The following PCDHGA2 variants were observed in gnomAD, a reference collection of about 807,000 sequenced individuals.
The protein encoded by PCDHGA2 is protocadherin gamma subfamily A, 2.
PCDHGA2 carries 40 observed loss-of-function variants against 59.2 expected under a neutral mutation model. That is an observed-to-expected ratio of 0.68 (90% CI 0.52 to 0.88). The LOEUF (loss-of-function observed/expected upper bound fraction) is 0.88. PCDHGA2 is among the 40% of genes least tolerant of loss of function. The pLI is 0.00. For synonymous variants in PCDHGA2, 560 were observed against 526.0 expected (o/e 1.06, Z -0.89); for missense variants, 1,226 against 1,204.0 (o/e 1.02, Z -0.27).
At chr5:141,387,791 A>T in intron 1 of PCDHGA2, 1 of 1,492,120 alleles carries the variant, frequency 6.7e-7, no homozygotes, top group Non-Finnish European at 8.9e-7. Context: ...AACTGCAACT[A>T]AAGTCCGTTC....
intron 3 of PCDHGA2, among the ~76,000 whole-genome samples, chr5:141,510,244 G>A (rs549784078): frequency 6.6e-6 from 1 of 151,116 alleles, no homozygotes; most frequent in African/African-American, 2.4e-5. Flanking sequence ...CTGCACTCCA[G>A]GCTGGGCGAC....
chr5:141,364,612 G>C (rs1260914671), intron 1 of PCDHGA2: 7 of 1,614,178 alleles, frequency 4.3e-6, no homozygotes, highest in Non-Finnish European at 5.9e-6. Context: ...ACCGGGAGGA[G>C]CTCTGCGCTC....
intron 1 of PCDHGA2, among the ~76,000 whole-genome samples, chr5:141,482,940 G>T (rs1245833250): frequency 6.6e-6 from 1 of 152,026 alleles, no homozygotes; most frequent in East Asian, 1.9e-4. Context: ...AGGTGTGGTT[G>T]TGGGTGCCTG....
At position 141,511,199 on chromosome 5, in the gene PCDHGA2, G is replaced by C. The variant is rs1303066281; in HGVS notation, c.*26G>C. On this transcript the variant is annotated 3_prime_UTR_variant, in exon 4 of 4. Coordinates refer to ENST00000394576, the MANE Select transcript of PCDHGA2 (RefSeq NM_018915.4). The stretch of plus-strand genomic sequence containing the variant: ...CATGGAGGCCAGGCCAAGAGCCACA[G>C]GGCGGCCTCTCCCCAACCAGCCCAG... 6.2e-6 allele frequency: 10 copies of C among 1,612,868 alleles called. No individual in the cohort carries two copies. In the East Asian group the frequency reaches 2.2e-4, roughly 36 times the overall value.
intron 1 of PCDHGA2, chr5:141,392,972 G>T: frequency 6.2e-7 from 1 of 1,613,920 alleles, no homozygotes. Context: ...AGGACCTGGG[G>T]CTGGACCCCC....
intron 1 of PCDHGA2, among the ~76,000 whole-genome samples, chr5:141,463,725 C>A (rs1259646105): frequency 6.6e-6 from 1 of 152,026 alleles, no homozygotes. Flanking sequence ...GGATTACAGG[C>A]ATGAGCCACC....
intron 1 of PCDHGA2, chr5:141,372,143 G>A: frequency 6.2e-7 from 1 of 1,613,784 alleles, no homozygotes. Context: ...GCTCTGCAGA[G>A]CCTGGCTACC....
chr5:141,371,759 C>T (rs1768010775), intron 1 of PCDHGA2: 1 of 1,614,044 alleles, frequency 6.2e-7, no homozygotes, highest in Non-Finnish European at 8.5e-7. Context: ...TCCACCAGGC[C>T]TCCTACACCG....
chr5:141,403,719 C>T (rs758160960), intron 1 of PCDHGA2: 2 of 1,613,864 alleles, frequency 1.2e-6, no homozygotes, highest in Non-Finnish European at 1.7e-6. Context: ...GAGAACGTGC[C>T]CCCAGGCACC....
rs1389786201 is a variant in PCDHGA2, at chr5:141,486,949, G to A, written c.2425-7858G>A. 4 of 1,614,224 alleles carry A rather than the reference G, an allele frequency of 2.5e-6. No individual in the cohort carries two copies. Among genetic ancestry groups the A allele is most frequent in the African/African-American group, 2.7e-5 (2 of 75,064 alleles). ...TTGGTGCTGGCCACCTAATCACAAA[G>A]GTGACTGCTGTGGACTTGGATTCAG... On this transcript the variant is annotated intron_variant, in intron 1 of 3. Coordinates refer to ENST00000394576, the MANE Select transcript of PCDHGA2 (RefSeq NM_018915.4). The surrounding 1 kb of genome is among the most constrained non-coding windows in gnomAD (Gnocchi z 5.0).
intron 2 of PCDHGA2, among the ~76,000 whole-genome samples, chr5:141,502,139 C>T (rs923501238): frequency 6.6e-6 from 1 of 152,104 alleles, no homozygotes; most frequent in African/African-American, 2.4e-5. Flanking sequence ...TCAGTCGGGC[C>T]GGAAGTAAGG....
At chr5:141,399,598 G>A in intron 1 of PCDHGA2, 1 of 1,613,964 alleles carries the variant, frequency 6.2e-7, no homozygotes, top group Non-Finnish European at 8.5e-7. Context: ...CATGGCCAGC[G>A]ACCTAGAGCC....
chr5:141,441,825 C>A, intron 1 of PCDHGA2: 1 of 357,252 alleles, frequency 2.8e-6, no homozygotes, highest in Non-Finnish European at 5.5e-6. Flanking sequence ...CTCTGGAGCG[C>A]AATGGCTTCG....
chr5:141,375,735 T>G, intron 1 of PCDHGA2: 1 of 1,614,254 alleles, frequency 6.2e-7, no homozygotes. Flanking sequence ...CTGAGCCTGT[T>G]TGTGCTGGAC....
At chr5:141,478,505 T>C (rs1298083274) in intron 1 of PCDHGA2, 3 of 1,612,032 alleles carry the variant, frequency 1.9e-6, no homozygotes, top group Non-Finnish European at 2.5e-6. Context: ...TCCGGTGTTC[T>C]ATAGGCAGGT....
At chr5:141,393,307 A>C (rs1394490963) in intron 1 of PCDHGA2, 3 of 1,613,594 alleles carry the variant, frequency 1.9e-6, no homozygotes, top group South Asian at 2.2e-5. Context: ...GTGGGCGTGA[A>C]CTCCCTCCAG....
chr5:141,382,921 G>C (rs774998092), intron 1 of PCDHGA2: 4 of 1,560,206 alleles, frequency 2.6e-6, no homozygotes, highest in East Asian at 2.3e-5. Context: ...GCCGAGGGGC[G>C]GGGACTACAG....
rs770685748 is a variant in PCDHGA2 at position 141,486,601 on chromosome 5, C to T, written c.2425-8206C>T. 9 of 1,613,558 alleles carry T rather than the reference C, an allele frequency of 5.6e-6. No homozygotes were observed. The highest frequency in any genetic ancestry group is 7.6e-6 in the Non-Finnish European group (9 of 1,180,024). On this transcript the variant is annotated intron_variant, in intron 1 of 3. Transcript: ENST00000394576. This position sits in a 1 kb window ranked among gnomAD's most constrained non-coding sequence, Gnocchi z 5.0. ...ATCGCCCAGGGGACCTGCTTTGCTC[C>T]CTTGCAGCCTCTGACCCAGACTCTG...
At position 141,476,172 on chromosome 5, in the gene PCDHGA2, T is replaced by C; in HGVS notation, c.2425-18635T>C. 6.2e-7 allele frequency: 1 copy of C among 1,612,930 alleles called. No individual in the cohort carries two copies. The highest frequency in any genetic ancestry group is 1.1e-5 in the South Asian group (1 of 91,026). On this transcript the variant is annotated intron_variant, in intron 1 of 3. Coordinates refer to ENST00000394576, the MANE Select transcript of PCDHGA2 (RefSeq NM_018915.4). This position sits in a 1 kb window ranked among gnomAD's most constrained non-coding sequence, Gnocchi z 7.6. ...GTAAGCACCGGGAGGGTAGTGGGAG[T>C]TTTGCTTCTGCTTGGTGCCTTGAAC...
Sources: allele counts gnomAD v4.1 joint callset (sites outside exome capture counted in the v4.1 genomes callset), GRCh38; gene constraint gnomAD v4.1.1; non-coding constraint Gnocchi (gnomAD v3.1); transcripts MANE v1.5; gene names NCBI Gene and HGNC (gene_info 2026-07-23, HGNC 2026-07-21).